Variants in GCNT1 observed in about 807,000 individuals in gnomAD.
The protein encoded by GCNT1 is glucosaminyl (N-acetyl) transferase 1.
GCNT1 carries 16 observed loss-of-function variants against 26.2 expected under a neutral mutation model. The observed-to-expected ratio is 0.61, with a 90% confidence interval of 0.41 to 0.93. GCNT1 has a LOEUF of 0.93. GCNT1 is among the 40% of genes least tolerant of loss of function. GCNT1 has a pLI of 0.00. For missense variants in GCNT1, 477 were observed against 526.7 expected, an observed-to-expected ratio of 0.91 and a Z score of 0.92; for synonymous variants, 183 against 190.8, an observed-to-expected ratio of 0.96 and a Z score of 0.34.
At chr9:76,396,310 C>T in the GCNT1 span, among the ~76,000 whole-genome samples, 1 of 152,230 alleles carries the variant, frequency 6.6e-6, no homozygotes, top group Non-Finnish European at 1.5e-5. Flanking sequence ...TAAAAATGGG[C>T]GGGGCATGGT....
At position 76,503,917 on chromosome 9, in the gene GCNT1, A is replaced by C; in HGVS notation, c.*249A>C. 1 of 500,196 alleles carries C rather than the reference A, an allele frequency of 2.0e-6. No homozygotes were observed. The highest frequency in any genetic ancestry group is 3.8e-6 in the Non-Finnish European group (1 of 266,418). 31.0% of individuals were successfully genotyped at this position (500,196 alleles called of 1,614,324 possible). A position where few individuals can be genotyped will look rare whatever the true frequency, so the allele number is the denominator to read the frequency against. The stretch of plus-strand genomic sequence containing the variant: ...AGGTAGCCTTGAGGCCAGAGCAGGT[A>C]GCAAGGCATTGTGGAAAGAGGGGAC... On this transcript the variant is annotated 3_prime_UTR_variant, in exon 4 of 4. Transcript: ENST00000376730.
intron 2 of GCNT1, among the ~76,000 whole-genome samples, chr9:76,467,411 G>T (rs1293267301): frequency 6.6e-6 from 1 of 151,780 alleles, no homozygotes; most frequent in African/African-American, 2.4e-5. Flanking sequence ...ACCTTTTCAA[G>T]CCCCTTCCAC....
chr9:76,455,597 T>C (rs1823745353), upstream of GCNT1, among the ~76,000 whole-genome samples: 1 of 152,032 alleles, frequency 6.6e-6, no homozygotes, highest in South Asian at 2.1e-4. Context: ...TTTTAATTTA[T>C]TCTTATTTAT....
At chr9:76,483,418 T>A (rs1395026763) in intron 2 of GCNT1, among the ~76,000 whole-genome samples, 2 of 151,920 alleles carry the variant, frequency 1.3e-5, no homozygotes, top group Admixed American at 1.3e-4. Flanking sequence ...TTTTTTATTG[T>A]TTTTTGTTTT....
the GCNT1 span, among the ~76,000 whole-genome samples, chr9:76,414,127 T>G: frequency 5.8e-3 from 883 of 152,342 alleles, 7 homozygotes; most frequent in African/African-American, 0.02. Flanking sequence ...CTTTCTCAAT[T>G]AGAGCCTTTA....
chr9:76,397,729 C>T, the GCNT1 span, among the ~76,000 whole-genome samples: 3 of 152,318 alleles, frequency 2.0e-5, no homozygotes, highest in South Asian at 6.2e-4. Context: ...TGATCATTTT[C>T]CACCACCGCT....
At chr9:76,412,778 T>TGATAGGAAG in the GCNT1 span, among the ~76,000 whole-genome samples, 1 of 152,184 alleles carries the variant, frequency 6.6e-6, no homozygotes, top group Non-Finnish European at 1.5e-5. Flanking sequence ...GGTGACCACC[T>TGATAGGAAG]CCCTATCAGA....
At chr9:76,425,653 C>T (rs1823250564) in intron 1 of GCNT1, among the ~76,000 whole-genome samples, 1 of 152,130 alleles carries the variant, frequency 6.6e-6, no homozygotes, top group Non-Finnish European at 1.5e-5. Flanking sequence ...AATTGTAACA[C>T]AGAAAGAGTT....
upstream of GCNT1, among the ~76,000 whole-genome samples, chr9:76,417,882 G>A (rs774551596): frequency 1.4e-4 from 21 of 152,162 alleles, no homozygotes; most frequent in African/African-American, 4.1e-4. Context: ...GAAAGCGTCC[G>A]TCATCCTGTT....
At chr9:76,395,395 T>G in the GCNT1 span, among the ~76,000 whole-genome samples, 6 of 152,102 alleles carry the variant, frequency 3.9e-5, no homozygotes, top group East Asian at 1.2e-3. Flanking sequence ...ACCTTACATG[T>G]ATGCATCTCT....
chr9:76,482,451 C>G (rs1303816290), intron 2 of GCNT1, among the ~76,000 whole-genome samples: 3 of 148,018 alleles, frequency 2.0e-5, no homozygotes, highest in Non-Finnish European at 3.0e-5. Context: ...GAAACCCTGT[C>G]TCTACTAAAA....
At chr9:76,418,628 G>A (rs1367115464), upstream of GCNT1, among the ~76,000 whole-genome samples, 1 of 152,148 alleles carries the variant, frequency 6.6e-6, no homozygotes, top group Non-Finnish European at 1.5e-5. Context: ...GAATTGCAGG[G>A]GTAGGATTAC....
the GCNT1 span, chr9:76,394,424 A>T: frequency 7.6e-6 from 3 of 395,582 alleles, no homozygotes; most frequent in Non-Finnish European, 9.0e-6. Flanking sequence ...AGCCGAAGTA[A>T]GTGCCGGGTG....
the GCNT1 span, chr9:76,394,193 G>A: frequency 1.9e-6 from 3 of 1,570,054 alleles, no homozygotes; most frequent in Non-Finnish European, 1.7e-6. Context: ...CTCGGGGAAT[G>A]GGCTGCGGCC....
chr9:76,431,095 A>G (rs970034829), intron 1 of GCNT1, among the ~76,000 whole-genome samples: 2 of 152,200 alleles, frequency 1.3e-5, no homozygotes, highest in African/African-American at 4.8e-5. Context: ...TTATTTTCTC[A>G]TATCTAAATT....
chr9:76,396,040 A>G, the GCNT1 span, among the ~76,000 whole-genome samples: 1 of 152,224 alleles, frequency 6.6e-6, no homozygotes, highest in Non-Finnish European at 1.5e-5. Context: ...AGAATGGTAT[A>G]TTTTTAACTT....
chr9:76,506,971 T>C lies in GCNT1; in HGVS notation c.*3303T>C, dbSNP rs1388971603. 6.0e-6 allele frequency: 1 copy of C among 167,004 alleles called. No individual in the cohort carries two copies. The highest frequency in any genetic ancestry group is 2.4e-5 in the African/African-American group (1 of 41,444). The allele number at this position is 167,004 out of a possible 1,614,324, so 10.3% of individuals were successfully genotyped here. A position where few individuals can be genotyped will look rare whatever the true frequency, so the allele number is the denominator to read the frequency against. ...ATGTGGGTAGGTCCCAGTAAACCCA[T>C]TATAATTTGAAAATATCACATTGAA... On this transcript the variant is annotated 3_prime_UTR_variant, in exon 4 of 4. Coordinates refer to ENST00000376730, the MANE Select transcript of GCNT1 (RefSeq NM_001490.5).
intron 2 of GCNT1, among the ~76,000 whole-genome samples, chr9:76,464,531 G>T (rs558160516): frequency 1.2e-4 from 19 of 152,208 alleles, no homozygotes; most frequent in Admixed American, 7.8e-4. Context: ...AAGTGTTTTT[G>T]ATTTGTGGTT....
chr9:76,465,414 G>A (rs541456258), intron 2 of GCNT1, among the ~76,000 whole-genome samples: 55 of 152,180 alleles, frequency 3.6e-4, no homozygotes, highest in African/African-American at 1.2e-3. Flanking sequence ...GTGAGCCACC[G>A]CACCTGGCCT....
Sources: allele counts gnomAD v4.1 joint callset (sites outside exome capture counted in the v4.1 genomes callset), GRCh38; gene constraint gnomAD v4.1.1; transcripts MANE v1.5; gene names NCBI Gene and HGNC (gene_info 2026-07-23, HGNC 2026-07-21).